KCNQ3: variants seen among roughly 807,000 people sequenced by gnomAD.
KCNQ3 encodes the protein potassium voltage-gated channel subfamily KQT member 3.
Under a neutral mutation model 92.5 loss-of-function variants are expected in KCNQ3, and 30 were observed. The observed-to-expected ratio is 0.32, with a 90% CI of 0.24 to 0.44. The LOEUF (loss-of-function observed/expected upper bound fraction) is 0.44. Among genes scored for constraint, KCNQ3 ranks in the 20% least tolerant of loss-of-function variants. The pLI is 1.00. For missense variants in KCNQ3, 913 were observed against 1,140.3 expected, an observed-to-expected ratio of 0.80 and a Z score of 2.87; for synonymous variants, 450 against 468.8, an observed-to-expected ratio of 0.96 and a Z score of 0.52.
In KCNQ3 at chr8:132,480,483, TCGC is replaced by T. The variant is rs981093917; in HGVS notation, c.47_49del (p.Gly16del). 12 of 1,211,158 alleles carry T rather than the reference TCGC, an allele frequency of 9.9e-6. No homozygotes were observed. Among genetic ancestry groups the T allele is most frequent in the East Asian group, 3.5e-5 (1 of 28,178 alleles). 75.0% of individuals were successfully genotyped at this position (1,211,158 alleles called of 1,614,324 possible). The stretch of plus-strand genomic sequence containing the variant: ...CGCCCCGCCGCCTCCGCCGCCCCCG[TCGC>T]CGCCGCCGCCAGCCGCCCCCGCCGC... On this transcript the variant is annotated inframe_deletion, in exon 1 of 15. Coordinates refer to ENST00000388996, the MANE Select transcript of KCNQ3 (RefSeq NM_004519.4).
chr8:132,361,063 A>C (rs183906877), intron 1 of KCNQ3, among the ~76,000 whole-genome samples: 125 of 152,248 alleles, frequency 8.2e-4, no homozygotes, highest in African/African-American at 3.0e-3. Context: ...TCATCTAATA[A>C]CCAATGCAAG....
intron 1 of KCNQ3, among the ~76,000 whole-genome samples, chr8:132,397,662 AGAG>A (rs1820225868): frequency 6.6e-6 from 1 of 152,190 alleles, no homozygotes; most frequent in Non-Finnish European, 1.5e-5. Flanking sequence ...AGGGATTACC[AGAG>A]GAGATTTAAG....
chr8:132,399,476 T>A (rs1433847014), intron 1 of KCNQ3, among the ~76,000 whole-genome samples: 1 of 152,136 alleles, frequency 6.6e-6, no homozygotes, highest in African/African-American at 2.4e-5. Flanking sequence ...AGTCATTTTG[T>A]ATGTGAGGCC....
intron 1 of KCNQ3, among the ~76,000 whole-genome samples, chr8:132,360,899 A>C (rs1819147386): frequency 6.6e-6 from 1 of 152,214 alleles, no homozygotes; most frequent in Non-Finnish European, 1.5e-5. Context: ...GGAGGAAAGA[A>C]GACAGGGAGG....
At chr8:132,223,695 C>T (rs1814310597) in intron 1 of KCNQ3, among the ~76,000 whole-genome samples, 1 of 151,924 alleles carries the variant, frequency 6.6e-6, no homozygotes, top group Non-Finnish European at 1.5e-5. Flanking sequence ...ATATAGTATG[C>T]GTGGAGTATG....
intron 1 of KCNQ3, among the ~76,000 whole-genome samples, chr8:132,309,380 G>A (rs186176414): frequency 4.8e-4 from 73 of 152,286 alleles, no homozygotes; most frequent in East Asian, 4.4e-3. Context: ...CCTACTGCAT[G>A]CCAGGGGCTA....
intron 1 of KCNQ3, among the ~76,000 whole-genome samples, chr8:132,395,437 A>G (rs1312613946): frequency 1.3e-5 from 2 of 152,248 alleles, no homozygotes; most frequent in Admixed American, 6.5e-5. Flanking sequence ...GACAGCAAAG[A>G]GATGCCTTAG....
chr8:132,210,273 G>A (rs146110628), intron 1 of KCNQ3, among the ~76,000 whole-genome samples: 7 of 152,274 alleles, frequency 4.6e-5, no homozygotes, highest in East Asian at 3.9e-4. Context: ...AGCTCACATC[G>A]TGGGCTCTGG....
chr8:132,461,799 T>G (rs941591483), intron 1 of KCNQ3, among the ~76,000 whole-genome samples: 49 of 152,370 alleles, frequency 3.2e-4, no homozygotes, highest in African/African-American at 1.2e-3. Flanking sequence ...TCATTTCATC[T>G]GCTTATCTGC....
At chr8:132,381,933 T>A (rs1413286310) in intron 1 of KCNQ3, among the ~76,000 whole-genome samples, 2 of 152,362 alleles carry the variant, frequency 1.3e-5, no homozygotes, top group East Asian at 3.9e-4. Flanking sequence ...GGTAGACCCC[T>A]TCTGGGCTGG....
intron 1 of KCNQ3, among the ~76,000 whole-genome samples, chr8:132,400,903 C>T (rs1210230268): frequency 1.3e-5 from 2 of 152,202 alleles, no homozygotes; most frequent in Admixed American, 6.5e-5. Flanking sequence ...CATTGTTGGT[C>T]GCACATCTGC....
intron 1 of KCNQ3, among the ~76,000 whole-genome samples, chr8:132,237,567 A>T (rs540626323): frequency 3.9e-5 from 6 of 152,300 alleles, no homozygotes; most frequent in Admixed American, 2.6e-4. Flanking sequence ...GTGCTGGCCC[A>T]GGCTTGGCAA....
At position 132,138,082 on chromosome 8, in the gene KCNQ3, C is replaced by G. The variant is rs1365606126; in HGVS notation, c.1569-66G>C. On this transcript the variant is annotated intron_variant, in intron 11 of 14. Transcript: ENST00000388996. ...GAGTGCGGGGAGCTATAACAGAAGG[C>G]TAGCAAACTCCAGGGCAGGGGGAGA... is the stretch of plus-strand genomic sequence containing the variant. The G allele has an allele frequency of 6.4e-6, 10 of 1,563,816 alleles. No individual in the cohort carries two copies. The East Asian group carries it at 2.2e-4, about 35-fold the overall frequency.
At position 132,210,761 on chromosome 8, in the gene KCNQ3, A is replaced by G. The variant is rs779832855; in HGVS notation, c.387-24580T>C. On this transcript the variant is annotated intron_variant, in intron 1 of 14. Coordinates refer to ENST00000388996, the MANE Select transcript of KCNQ3 (RefSeq NM_004519.4). ...TCTTCAAAGCCAGAAAAGCAGAGAG[A>G]AAAACTCTAGCAAGATGGTGCTGTA... Among the ~76,000 whole-genome samples, 50 of 152,214 alleles carry G rather than the reference A, an allele frequency of 3.3e-4. 1 individual carries two copies. The highest frequency in any genetic ancestry group is 6.6e-4 in the Non-Finnish European group (45 of 68,048).
chr8:132,472,371 A>G (rs2130867542), intron 1 of KCNQ3, among the ~76,000 whole-genome samples: 2 of 152,358 alleles, frequency 1.3e-5, no homozygotes, highest in Admixed American at 1.3e-4. Flanking sequence ...GGATCTATCA[A>G]TGGATGCACA....
chr8:132,331,283 C>G (rs1818221736), intron 1 of KCNQ3, among the ~76,000 whole-genome samples: 1 of 152,162 alleles, frequency 6.6e-6, no homozygotes, highest in Admixed American at 6.5e-5. Context: ...GAGATTCAAC[C>G]TCAGGCTCTC....
At chr8:132,234,317 G>T (rs1018965576) in intron 1 of KCNQ3, among the ~76,000 whole-genome samples, 1 of 144,542 alleles carries the variant, frequency 6.9e-6, no homozygotes, top group Admixed American at 7.0e-5. Context: ...CAAAAACTGT[G>T]CATAATTCTG....
intron 1 of KCNQ3, among the ~76,000 whole-genome samples, chr8:132,359,494 G>C (rs144797893): frequency 6.6e-6 from 1 of 151,908 alleles, no homozygotes; most frequent in Non-Finnish European, 1.5e-5. Flanking sequence ...AAGCCATCAG[G>C]GACACCTTCA....
chr8:132,157,608 C>T (rs926431344), intron 9 of KCNQ3, among the ~76,000 whole-genome samples: 1 of 151,936 alleles, frequency 6.6e-6, no homozygotes, highest in Non-Finnish European at 1.5e-5. Flanking sequence ...GCCCCCAGAG[C>T]CAACCTTGCT....
Sources: gnomAD v4.1 joint callset for allele counts (sites outside exome capture counted in the v4.1 genomes callset) on GRCh38, gnomAD v4.1.1 for gene constraint, MANE v1.5 for transcripts, NCBI Gene and HGNC (gene_info 2026-07-23, HGNC 2026-07-21) for gene names.